ADGRA3: variants seen among roughly 807,000 people sequenced by gnomAD.
The protein encoded by ADGRA3 is G-protein coupled receptor 125.
In ADGRA3, 56 loss-of-function variants were observed where a neutral mutation model predicts 119.8. The observed-to-expected ratio is 0.47, with a 90% CI of 0.38 to 0.58. The LOEUF is 0.58. ADGRA3 is among the 20% of genes least tolerant of loss of function. ADGRA3 has a pLI of 0.00. For synonymous variants in ADGRA3, 607 were observed against 623.8 expected (o/e 0.97, Z 0.40); for missense variants, 1,516 against 1,649.0 (o/e 0.92, Z 1.40).
chr4:22,507,541 T>C (rs1377253670), intron 1 of ADGRA3, among the ~76,000 whole-genome samples: 1 of 152,218 alleles, frequency 6.6e-6, no homozygotes, highest in Non-Finnish European at 1.5e-5. Flanking sequence ...GAACAGAAGC[T>C]GGAGCTGCAC....
At chr4:22,513,253 TCTC>T (rs1719514891) in intron 1 of ADGRA3, among the ~76,000 whole-genome samples, 1 of 151,522 alleles carries the variant, frequency 6.6e-6, no homozygotes, top group Non-Finnish European at 1.5e-5. Flanking sequence ...TTCAAGCAAT[TCTC>T]CTGCCTCAGC....
At chr4:22,514,959 G>C (rs1354260876) in intron 1 of ADGRA3, among the ~76,000 whole-genome samples, 1 of 152,172 alleles carries the variant, frequency 6.6e-6, no homozygotes, top group East Asian at 1.9e-4. Context: ...TAAACAGATT[G>C]ATCTGAAATG....
chr4:22,500,980 G>A (rs181742363), intron 1 of ADGRA3, among the ~76,000 whole-genome samples: 65 of 152,156 alleles, frequency 4.3e-4, no homozygotes, highest in African/African-American at 1.4e-3. Flanking sequence ...CTAGACATCC[G>A]GCCTTAAGTT....
chr4:22,427,080 C>T (rs955023461), intron 10 of ADGRA3, among the ~76,000 whole-genome samples: 2 of 152,090 alleles, frequency 1.3e-5, no homozygotes, highest in African/African-American at 4.8e-5. Context: ...GTCTATTATT[C>T]TGACTTACTG....
chr4:22,509,511 A>G (rs1719364545), intron 1 of ADGRA3, among the ~76,000 whole-genome samples: 1 of 139,410 alleles, frequency 7.2e-6, no homozygotes, highest in African/African-American at 2.9e-5. Context: ...TCAAAAAAAA[A>G]GAAAAGAAAA....
chr4:22,446,766 A>G (rs943278118), intron 5 of ADGRA3, among the ~76,000 whole-genome samples: 1 of 152,318 alleles, frequency 6.6e-6, no homozygotes, highest in Non-Finnish European at 1.5e-5. Flanking sequence ...ATTACTCACA[A>G]TGAAAACCTG....
intron 12 of ADGRA3, 23 bp from the exon 13 acceptor site, chr4:22,413,837 A>G: frequency 6.6e-7 from 1 of 1,519,306 alleles, no homozygotes; most frequent in Non-Finnish European, 9.0e-7. Flanking sequence ...ATATACATAA[A>G]AAAAGCTCAC....
At chr4:22,499,735 G>A (rs1283112160) in intron 1 of ADGRA3, among the ~76,000 whole-genome samples, 1 of 152,146 alleles carries the variant, frequency 6.6e-6, no homozygotes. Context: ...TATAATAAAT[G>A]GATGATGTTA....
chr4:22,435,448 T>C lies in ADGRA3; in HGVS notation c.1306A>G (p.Asn436Asp), dbSNP rs775212347. 3 of 1,602,584 alleles carry C rather than the reference T, an allele frequency of 1.9e-6. No homozygotes were observed. Among genetic ancestry groups the C allele is most frequent in the African/African-American group, 1.3e-5 (1 of 74,826 alleles). Residue 436 changes from asparagine to aspartate, a missense_variant, in exon 10 of 19, where the codon AAT (asparagine) becomes GAT (aspartate). By Grantham distance (23) the Asn-to-Asp change is conservative. Coordinates refer to ENST00000334304, the MANE Select transcript of ADGRA3 (RefSeq NM_145290.4). Reference sequence around the variant, plus strand: ...AACTGTCGAGCTGTTGCCACGGCATTGGTAAGATTGAGGGGCATCTACATT... The same window carrying C: ...AACTGTCGAGCTGTTGCCACGGCATCGGTAAGATTGAGGGGCATCTACATT... The part of the protein sequence containing the change: ...MFNQMPLNLT[N>D]AVATARQLLA...
At chr4:22,451,698 C>T (rs1717050836) in intron 4 of ADGRA3, among the ~76,000 whole-genome samples, 1 of 152,102 alleles carries the variant, frequency 6.6e-6, no homozygotes, top group African/African-American at 2.4e-5. Context: ...AGGCTGTCCG[C>T]CAAGGTCTCA....
chr4:22,478,267 A>G (rs1004694853), intron 1 of ADGRA3: 2 of 152,202 alleles, frequency 1.3e-5, no homozygotes, highest in Admixed American at 6.5e-5. Flanking sequence ...GACTTACTAT[A>G]CATATTTTTT....
chr4:22,424,674 CAATACCAG>C (rs1553874797), intron 10 of ADGRA3, among the ~76,000 whole-genome samples: 4 of 152,220 alleles, frequency 2.6e-5, no homozygotes, highest in Non-Finnish European at 5.9e-5. Flanking sequence ...GGATGTCACA[CAATACCAG>C]AATAAAAAGA....
intron 10 of ADGRA3, among the ~76,000 whole-genome samples, chr4:22,431,232 T>C (rs1359292420): frequency 9.0e-6 from 1 of 110,932 alleles, no homozygotes; most frequent in Non-Finnish European, 2.1e-5. Flanking sequence ...GACCCCAGAA[T>C]GATAGATCCA....
chr4:22,503,789 T>C (rs1456998816), intron 1 of ADGRA3, among the ~76,000 whole-genome samples: 2 of 152,202 alleles, frequency 1.3e-5, no homozygotes, highest in African/African-American at 4.8e-5. Context: ...CTGTGTATGA[T>C]GTTTACAGTA....
chr4:22,502,061 G>A (rs1719065186), intron 1 of ADGRA3, among the ~76,000 whole-genome samples: 1 of 152,108 alleles, frequency 6.6e-6, no homozygotes, highest in Admixed American at 6.5e-5. Flanking sequence ...ATTTCCAGGA[G>A]CCTTATCTCA....
At chr4:22,443,284 G>GA (rs2109074371) in intron 6 of ADGRA3, 1 of 467,758 alleles carries the variant, frequency 2.1e-6, no homozygotes, top group African/African-American at 2.0e-5. Context: ...GTTCACTCCA[G>GA]AAAAATCAGA....
At chr4:22,486,610 G>A (rs1408277007) in intron 1 of ADGRA3, among the ~76,000 whole-genome samples, 1 of 152,122 alleles carries the variant, frequency 6.6e-6, no homozygotes, top group African/African-American at 2.4e-5. Flanking sequence ...GCAGATGCAG[G>A]GGAACCTCCA....
At chr4:22,447,560 T>C (rs1421864209) in intron 4 of ADGRA3, 49 bp from the exon 5 acceptor site, 1 of 1,080,310 alleles carries the variant, frequency 9.3e-7, no homozygotes, top group Non-Finnish European at 1.4e-6. Flanking sequence ...TTATCTATCA[T>C]TTTATCCTAT....
chr4:22,412,297 C>CA (rs1715239111), intron 14 of ADGRA3, among the ~76,000 whole-genome samples: 1 of 152,060 alleles, frequency 6.6e-6, no homozygotes, highest in Admixed American at 6.6e-5. Context: ...TAAGAACTAG[C>CA]ATGGTTTATT....
Sources: gnomAD v4.1 joint callset for allele counts (sites outside exome capture counted in the v4.1 genomes callset) on GRCh38, gnomAD v4.1.1 for gene constraint, MANE v1.5 for transcripts, NCBI Gene and HGNC (gene_info 2026-07-23, HGNC 2026-07-21) for gene names.